TUBD1: variants seen among roughly 807,000 people sequenced by gnomAD.
TUBD1 encodes tubulin delta 1.
In TUBD1, 38 loss-of-function variants were observed where a neutral mutation model predicts 51.2. The ratio of observed to expected loss-of-function variants is 0.74; its 90% CI spans 0.57 to 0.97. The LOEUF is 0.97. TUBD1 is among the 50% of genes least tolerant of loss of function. The pLI is 0.00. For synonymous variants in TUBD1, 169 were observed against 178.2 expected (o/e 0.95, Z 0.41); for missense variants, 489 against 538.4 (o/e 0.91, Z 0.91).
At chr17:59,881,440 C>T (rs548787790) in intron 3 of TUBD1, among the ~76,000 whole-genome samples, 12 of 152,198 alleles carry the variant, frequency 7.9e-5, no homozygotes, top group East Asian at 1.9e-4. Flanking sequence ...GGTTAACAGG[C>T]GAACAGGACT....
In TUBD1 at chr17:59,878,321, T is replaced by C. The variant is rs763833117; in HGVS notation, c.551A>G (p.Asn184Ser). The C allele has an allele frequency of 5.0e-6, 8 of 1,612,768 alleles. No individual in the cohort carries two copies. Among genetic ancestry groups the C allele is most frequent in the Non-Finnish European group, 6.8e-6 (8 of 1,178,926 alleles). Residue 184 changes from asparagine to serine, a missense_variant, in exon 5 of 9, where the codon AAC (asparagine) becomes AGC (serine). Coordinates refer to ENST00000325752, the MANE Select transcript of TUBD1 (RefSeq NM_016261.4). ...PYGTGEVIVQNYNSILTLSHL... is the reference protein window; with the variant it reads ...PYGTGEVIVQSYNSILTLSHL... ...AGAAAGTGTCAAAATGGAGTTGTAG[T>C]TTTGAACAATAACCTGGAGAGGAAA... is the stretch of plus-strand genomic sequence containing the variant.
At chr17:59,886,322 C>CAAAA in intron 2 of TUBD1, 92 bp from the exon 3 acceptor site, 7 of 878,090 alleles carry the variant, frequency 8.0e-6, no homozygotes, top group South Asian at 2.5e-5. Context: ...TGTCCAAATC[C>CAAAA]AAAAAAAAAA....
intron 7 of TUBD1, 82 bp downstream of exon 7, chr17:59,866,527 A>T: frequency 6.5e-7 from 1 of 1,531,070 alleles, no homozygotes; most frequent in Non-Finnish European, 8.8e-7. Flanking sequence ...CCAAGAACAC[A>T]GGGACTTTTT....
chr17:59,891,246 T>A (rs566376237), intron 1 of TUBD1, among the ~76,000 whole-genome samples: 1 of 152,274 alleles, frequency 6.6e-6, no homozygotes, highest in Admixed American at 6.5e-5. Context: ...TTCTCCTGCC[T>A]CAGCCTCCCG....
Position 59,885,551 on chromosome 17 carries a change from T to C in TUBD1, c.320+532A>G. 5 of 1,466,422 alleles carry C rather than the reference T, an allele frequency of 3.4e-6. No individual in the cohort carries two copies. The South Asian group carries it at 5.7e-5, about 17-fold the overall frequency. The allele number at this position is 1,466,422 out of a possible 1,614,324, so 90.8% of individuals were successfully genotyped here. ...CCTGAGTCGGTGGTTCACTACTAGA[T>C]CTGAGGAGGCTTCGTGGGCTTTTGT... On this transcript the variant is annotated intron_variant, in intron 3 of 8. Transcript: ENST00000325752.
chr17:59,879,099 ACCC>A (rs2144526096), intron 4 of TUBD1, among the ~76,000 whole-genome samples: 1 of 150,226 alleles, frequency 6.7e-6, no homozygotes, highest in South Asian at 2.1e-4. Flanking sequence ...ACATGGAAAA[ACCC>A]CCCACCTCTA....
intron 8 of TUBD1, among the ~76,000 whole-genome samples, chr17:59,863,128 T>G (rs1286470125): frequency 3.3e-5 from 5 of 152,180 alleles, no homozygotes; most frequent in African/African-American, 4.8e-5. Context: ...GGCACTGTAC[T>G]AGCTGTTTTA....
chr17:59,886,732 G>A (rs2040753529), intron 2 of TUBD1: 1 of 150,786 alleles, frequency 6.6e-6, no homozygotes, highest in Non-Finnish European at 1.5e-5. Context: ...ATTTGGAGAT[G>A]AAGACATCAA....
Position 59,880,971 on chromosome 17 carries a change from C to G in TUBD1, c.460G>C (p.Val154Leu), listed in dbSNP as rs146943916. 8.7e-6 allele frequency: 14 copies of G among 1,614,070 alleles called. No homozygotes were observed. Among genetic ancestry groups the G allele is most frequent in the Non-Finnish European group, 1.2e-5 (14 of 1,180,018 alleles). The change falls in exon 4 of 9, where the codon GTT becomes CTT. Residue 154 changes from valine (V) to leucine (L), a missense_variant. Physicochemically the swap from Val to Leu is conservative, Grantham distance 32. Coordinates refer to ENST00000325752, the MANE Select transcript of TUBD1 (RefSeq NM_016261.4). The part of the protein sequence containing the change: ...GGTGSGLGAF[V>L]TQNLEDQYSN... ...TACTGATCTTCTAAATTCTGTGTAA[C>G]GAAAGCTCCTAATCCTGATCCTGTG...
chr17:59,882,763 T>A (rs914696135), intron 3 of TUBD1, among the ~76,000 whole-genome samples: 5 of 151,956 alleles, frequency 3.3e-5, no homozygotes, highest in South Asian at 2.1e-4. Flanking sequence ...TACAAGAGCA[T>A]GTAACCATCC....
rs1214105671 is a variant in TUBD1, at chr17:59,876,653, G to A, written c.769+1450C>T. Among the ~76,000 whole-genome samples the A allele has an allele frequency of 2.0e-5, 3 of 151,754 alleles. No individual in the cohort carries two copies. In the East Asian group the frequency reaches 5.8e-4, roughly 29 times the overall value. On this transcript the variant is annotated intron_variant, in intron 5 of 8. Coordinates refer to ENST00000325752, the MANE Select transcript of TUBD1 (RefSeq NM_016261.4). The stretch of plus-strand genomic sequence containing the variant: ...ATTACAGGCATGAGCCACCACACCC[G>A]GCCACTTTTTAAATTCTTAGTAGAG...
chr17:59,885,842 T>A (rs1170980262), intron 3 of TUBD1, among the ~76,000 whole-genome samples: 1 of 152,174 alleles, frequency 6.6e-6, no homozygotes. Flanking sequence ...GTTTGCAGCA[T>A]GACAGTGAGA....
chr17:59,877,013 CCAT>C (rs1401372476), intron 5 of TUBD1, among the ~76,000 whole-genome samples: 1 of 152,096 alleles, frequency 6.6e-6, no homozygotes, highest in Non-Finnish European at 1.5e-5. Context: ...GTACCCACCA[CCAT>C]GCCTGGCTAA....
intron 4 of TUBD1, 194 bp from the exon 5 acceptor site, chr17:59,878,528 AG>A: frequency 2.0e-6 from 1 of 511,736 alleles, no homozygotes; most frequent in Non-Finnish European, 3.4e-6. Flanking sequence ...TCTGTCGCCC[AG>A]GCTGGAGTAC....
At chr17:59,869,351 C>T (rs2039874898) in intron 6 of TUBD1, among the ~76,000 whole-genome samples, 1 of 151,730 alleles carries the variant, frequency 6.6e-6, no homozygotes, top group South Asian at 2.1e-4. Context: ...TGGTGCGCAC[C>T]TGTAGTCCCA....
intron 5 of TUBD1, among the ~76,000 whole-genome samples, chr17:59,876,467 G>A (rs1242988121): frequency 6.6e-6 from 1 of 150,624 alleles, no homozygotes; most frequent in Non-Finnish European, 1.5e-5. Flanking sequence ...CAATTCTCCT[G>A]CCTCTGCCTC....
At chr17:59,865,323 G>A (rs1178298661) in intron 7 of TUBD1, among the ~76,000 whole-genome samples, 3 of 152,080 alleles carry the variant, frequency 2.0e-5, no homozygotes, top group Admixed American at 6.6e-5. Context: ...ATGGGAGGCC[G>A]AGGCAGGTGG....
chr17:59,883,085 G>C (rs140389775), intron 3 of TUBD1, among the ~76,000 whole-genome samples: 2 of 150,270 alleles, frequency 1.3e-5, no homozygotes, highest in East Asian at 3.9e-4. Flanking sequence ...ATACCCAGCC[G>C]CCCGGCTAAT....
chr17:59,884,080 G>C (rs962144725), intron 3 of TUBD1, among the ~76,000 whole-genome samples: 1 of 151,700 alleles, frequency 6.6e-6, no homozygotes, highest in Non-Finnish European at 1.5e-5. Flanking sequence ...GGCCAACATA[G>C]GGAAATCCAG....
Sources: gnomAD v4.1 joint callset for allele counts (sites outside exome capture counted in the v4.1 genomes callset) on GRCh38, gnomAD v4.1.1 for gene constraint, MANE v1.5 for transcripts, NCBI Gene and HGNC (gene_info 2026-07-23, HGNC 2026-07-21) for gene names.